Variants in PLD5 observed in about 807,000 individuals in gnomAD.
PLD5 encodes the protein inactive phospholipase D5.
A neutral mutation model predicts 61.1 loss-of-function variants in PLD5; 36 were observed. The observed-to-expected ratio is 0.59, with a 90% CI of 0.45 to 0.78. The LOEUF (loss-of-function observed/expected upper bound fraction) is 0.78. PLD5 is among the 30% of genes least tolerant of loss of function. PLD5 has a pLI of 0.00. For synonymous variants in PLD5, 243 were observed against 242.8 expected, an observed-to-expected ratio of 1.00 and a Z score of -0.01; for missense variants, 515 against 644.4, an observed-to-expected ratio of 0.80 and a Z score of 2.17.
At chr1:242,526,121 G>T (rs1309549209), upstream of PLD5, among the ~76,000 whole-genome samples, 1 of 152,182 alleles carries the variant, frequency 6.6e-6, no homozygotes, top group African/African-American at 2.4e-5. Context: ...AAGCTGTGAA[G>T]GCCAGGCGGA....
chr1:242,509,091 A>AAT (rs1472182958), intron 1 of PLD5, among the ~76,000 whole-genome samples: 18 of 147,864 alleles, frequency 1.2e-4, no homozygotes, highest in African/African-American at 4.3e-4. Flanking sequence ...AAAATAAATA[A>AAT]ATAGGCTGGG....
intron 1 of PLD5, among the ~76,000 whole-genome samples, chr1:242,499,098 C>T (rs930211464): frequency 6.6e-6 from 1 of 152,092 alleles, no homozygotes; most frequent in African/African-American, 2.4e-5. Flanking sequence ...TTCTTTGCAT[C>T]CTCACCAGTA....
chr1:242,516,250 T>TTTTATATA (rs1253189390), intron 1 of PLD5, among the ~76,000 whole-genome samples: 1 of 138,626 alleles, frequency 7.2e-6, no homozygotes, highest in Non-Finnish European at 1.5e-5. Flanking sequence ...TAAAGTTAAA[T>TTTTATATA]TATATATATA....
intron 7 of PLD5, among the ~76,000 whole-genome samples, chr1:242,111,057 A>T (rs1445264558): frequency 1.4e-5 from 2 of 145,418 alleles, no homozygotes; most frequent in African/African-American, 2.5e-5. Flanking sequence ...GGGCTTCTGA[A>T]TTTTTTTTTT....
intron 1 of PLD5, among the ~76,000 whole-genome samples, chr1:242,501,608 C>T (rs146291914): frequency 6.6e-6 from 1 of 152,074 alleles, no homozygotes; most frequent in East Asian, 1.9e-4. Context: ...TGTTTTGGAA[C>T]CAAGCACCTC....
intron 4 of PLD5, among the ~76,000 whole-genome samples, chr1:242,239,434 C>T (rs186690771): frequency 6.6e-6 from 1 of 152,152 alleles, no homozygotes; most frequent in Non-Finnish European, 1.5e-5. Flanking sequence ...ACACTAAGTG[C>T]TTTATTTTAT....
chr1:242,246,241 C>T (rs953970075), intron 4 of PLD5, among the ~76,000 whole-genome samples: 2 of 152,174 alleles, frequency 1.3e-5, no homozygotes, highest in East Asian at 3.9e-4. Context: ...TGGCATGTGC[C>T]TGCAGTCCCA....
chr1:242,327,321 G>T (rs1658861430), intron 2 of PLD5, among the ~76,000 whole-genome samples: 1 of 152,118 alleles, frequency 6.6e-6, no homozygotes, highest in African/African-American at 2.4e-5. Context: ...TTTTATATGA[G>T]TTTATTTTTT....
At chr1:242,131,477 A>C (rs1663245064) in intron 5 of PLD5, among the ~76,000 whole-genome samples, 1 of 152,186 alleles carries the variant, frequency 6.6e-6, no homozygotes, top group African/African-American at 2.4e-5. Flanking sequence ...AGCAATGCTA[A>C]TTAATTATAG....
intron 1 of PLD5, among the ~76,000 whole-genome samples, chr1:242,455,221 A>G (rs1666909106): frequency 6.6e-6 from 1 of 152,232 alleles, no homozygotes; most frequent in African/African-American, 2.4e-5. Flanking sequence ...TTTGCAAATC[A>G]TTTGAAAGGC....
intron 3 of PLD5, among the ~76,000 whole-genome samples, chr1:242,277,691 C>T (rs184363): frequency 0.97 from 143,637 of 148,296 alleles, 69,654 homozygotes; most frequent in Middle Eastern, 0.99. Flanking sequence ...AATTAAGATA[C>T]AATTCTTTAG....
chr1:242,152,168 G>A (rs995900180), intron 5 of PLD5, among the ~76,000 whole-genome samples: 14 of 151,934 alleles, frequency 9.2e-5, no homozygotes, highest in South Asian at 2.1e-4. Context: ...TTTTCTTGCC[G>A]TTTCTGGGTT....
intron 1 of PLD5, among the ~76,000 whole-genome samples, chr1:242,510,146 G>C (rs1016484434): frequency 6.6e-6 from 1 of 152,092 alleles, no homozygotes; most frequent in South Asian, 2.1e-4. Flanking sequence ...TCAGATAATA[G>C]TGTCTTGGCT....
intron 5 of PLD5, among the ~76,000 whole-genome samples, chr1:242,172,055 C>T (rs557933643): frequency 6.6e-6 from 1 of 152,222 alleles, no homozygotes; most frequent in Non-Finnish European, 1.5e-5. Context: ...ACAGAACTCT[C>T]CACCCCAAAT....
intron 5 of PLD5, among the ~76,000 whole-genome samples, chr1:242,215,327 A>T (rs373792794): frequency 6.6e-6 from 1 of 152,118 alleles, no homozygotes; most frequent in East Asian, 1.9e-4. Context: ...CATCCCGTAT[A>T]ACCCCCAAGG....
intron 5 of PLD5, among the ~76,000 whole-genome samples, chr1:242,139,937 T>G (rs1664035434): frequency 6.6e-6 from 1 of 152,156 alleles, no homozygotes; most frequent in Non-Finnish European, 1.5e-5. Context: ...TCTGTAGGTG[T>G]GATTCTCCTG....
chr1:242,114,891 T>C (rs1661819794), intron 6 of PLD5, among the ~76,000 whole-genome samples: 1 of 151,336 alleles, frequency 6.6e-6, no homozygotes, highest in South Asian at 2.1e-4. Context: ...AGAAATAAAG[T>C]GACAGCCACG....
At chr1:242,414,428 C>G (rs193096402) in intron 1 of PLD5, among the ~76,000 whole-genome samples, 1 of 152,004 alleles carries the variant, frequency 6.6e-6, no homozygotes, top group Non-Finnish European at 1.5e-5. Context: ...ATAAATAATA[C>G]AGGTCAAATA....
intron 1 of PLD5, among the ~76,000 whole-genome samples, chr1:242,439,761 GC>G (rs1375798281): frequency 1.3e-5 from 2 of 152,136 alleles, no homozygotes; most frequent in East Asian, 1.9e-4. Flanking sequence ...GAACTCAGGA[GC>G]TTTTTGTTAA....
Sources: allele counts gnomAD v4.1 joint callset (sites outside exome capture counted in the v4.1 genomes callset), GRCh38; gene constraint gnomAD v4.1.1; transcripts MANE v1.5; gene names NCBI Gene and HGNC (gene_info 2026-07-23, HGNC 2026-07-21).